The following CFAP299 variants were observed in gnomAD, a reference collection of about 807,000 sequenced individuals.
CFAP299 encodes cilia and flagella associated protein 299.
In CFAP299, 21 loss-of-function variants were observed where a neutral mutation model predicts 27.0. That is an observed-to-expected ratio of 0.78 (90% confidence interval 0.55 to 1.12). The LOEUF is 1.12. Ranked by LOEUF, CFAP299 falls within the 50% of genes most tolerant of loss-of-function variation. CFAP299 has a pLI of 0.00. For synonymous variants in CFAP299, 104 were observed against 98.1 expected, an observed-to-expected ratio of 1.06 and a Z score of -0.36; for missense variants, 310 against 276.6, an observed-to-expected ratio of 1.12 and a Z score of -0.86.
chr4:80,393,886 G>T (rs61210077), intron 2 of CFAP299, among the ~76,000 whole-genome samples: 1 of 151,984 alleles, frequency 6.6e-6, no homozygotes, highest in Non-Finnish European at 1.5e-5. Context: ...TAATCCCCAC[G>T]TGTCAAGAGT....
chr4:80,604,902 A>AAAC (rs71824955), intron 3 of CFAP299, among the ~76,000 whole-genome samples: 3 of 151,748 alleles, frequency 2.0e-5, no homozygotes, highest in Non-Finnish European at 4.4e-5. Flanking sequence ...GAAAAAAAAA[A>AAAC]AACATGTAAT....
At chr4:80,546,975 A>G (rs1018439165) in intron 2 of CFAP299, among the ~76,000 whole-genome samples, 1 of 152,170 alleles carries the variant, frequency 6.6e-6, no homozygotes, top group African/African-American at 2.4e-5. Context: ...TATAGATTCA[A>G]TGCTATTCCA....
intron 3 of CFAP299, among the ~76,000 whole-genome samples, chr4:80,595,571 A>G (rs1352369228): frequency 6.6e-6 from 1 of 152,212 alleles, no homozygotes; most frequent in Admixed American, 6.5e-5. Context: ...GTTGATATAA[A>G]TGCTCTGCAT....
chr4:80,388,769 G>T, intron 2 of CFAP299: 1 of 493,926 alleles, frequency 2.0e-6, no homozygotes, highest in South Asian at 3.1e-5. Flanking sequence ...TGGGGAGGTA[G>T]GGTTTCTATG....
chr4:80,593,366 C>CT (rs1040636695), intron 3 of CFAP299, among the ~76,000 whole-genome samples: 21 of 152,258 alleles, frequency 1.4e-4, no homozygotes, highest in African/African-American at 4.8e-4. Flanking sequence ...AACTGACATT[C>CT]TTTTTCTAGG....
chr4:80,623,681 T>G (rs1738724842), intron 3 of CFAP299, among the ~76,000 whole-genome samples: 2 of 152,128 alleles, frequency 1.3e-5, no homozygotes, highest in Non-Finnish European at 2.9e-5. Flanking sequence ...AGACACCATT[T>G]CCTCAGGGAA....
At chr4:80,359,320 T>C (rs1281300000) in intron 1 of CFAP299, among the ~76,000 whole-genome samples, 1 of 152,172 alleles carries the variant, frequency 6.6e-6, no homozygotes, top group African/African-American at 2.4e-5. Flanking sequence ...TCTTGTGAAG[T>C]ACCTTACTGG....
At chr4:80,719,541 A>G (rs543956907) in intron 3 of CFAP299, among the ~76,000 whole-genome samples, 2 of 152,268 alleles carry the variant, frequency 1.3e-5, no homozygotes, top group African/African-American at 4.8e-5. Context: ...ATAAATTCTG[A>G]TATGTTGTGT....
At chr4:80,783,259 A>G (rs1452071434) in intron 3 of CFAP299, among the ~76,000 whole-genome samples, 1 of 152,160 alleles carries the variant, frequency 6.6e-6, no homozygotes, top group Non-Finnish European at 1.5e-5. Flanking sequence ...CAGAAACACT[A>G]TGTCACTTAC....
chr4:80,956,157 A>T (rs1738053030), intron 5 of CFAP299, among the ~76,000 whole-genome samples: 2 of 152,196 alleles, frequency 1.3e-5, no homozygotes, highest in African/African-American at 4.8e-5. Flanking sequence ...CCCACTTAGG[A>T]CAGATTTCTA....
At chr4:80,665,092 G>C (rs1235702862) in intron 3 of CFAP299, among the ~76,000 whole-genome samples, 1 of 152,140 alleles carries the variant, frequency 6.6e-6, no homozygotes, top group African/African-American at 2.4e-5. Flanking sequence ...GATGAGCTGG[G>C]TACCTCAGTT....
At chr4:80,662,039 A>G (rs1251222552) in intron 3 of CFAP299, among the ~76,000 whole-genome samples, 2 of 152,172 alleles carry the variant, frequency 1.3e-5, no homozygotes, top group Non-Finnish European at 1.5e-5. Context: ...CTGTCTCCTG[A>G]TAAGATGTTA....
chr4:80,800,460 TATATA>T (rs1560419013), intron 3 of CFAP299, among the ~76,000 whole-genome samples: 3 of 13,612 alleles, frequency 2.2e-4, no homozygotes, highest in South Asian at 3.0e-3. Context: ...ATTAATATAA[TATATA>T]ATATATAATA....
intron 3 of CFAP299, among the ~76,000 whole-genome samples, chr4:80,695,620 A>G (rs1721038709): frequency 1.3e-5 from 2 of 151,542 alleles, no homozygotes; most frequent in African/African-American, 4.9e-5. Flanking sequence ...TAGACCACAT[A>G]TGCTCTACTA....
At chr4:80,380,796 T>C (rs1724663019) in intron 2 of CFAP299, among the ~76,000 whole-genome samples, 1 of 152,196 alleles carries the variant, frequency 6.6e-6, no homozygotes, top group Non-Finnish European at 1.5e-5. Context: ...GTCTACAATC[T>C]GTTGTAAGCA....
chr4:80,714,833 C>T (rs897802514), intron 3 of CFAP299, among the ~76,000 whole-genome samples: 1 of 152,040 alleles, frequency 6.6e-6, no homozygotes, highest in African/African-American at 2.4e-5. Context: ...TACTTCCAGA[C>T]CATACCATGT....
chr4:80,812,365 T>C (rs72879998), intron 3 of CFAP299, among the ~76,000 whole-genome samples: 1,614 of 152,214 alleles, frequency 0.011, 28 homozygotes, highest in African/African-American at 0.036. Flanking sequence ...GAGGTTTGTA[T>C]GCCAAGGGCT....
intron 3 of CFAP299, among the ~76,000 whole-genome samples, chr4:80,639,127 C>T (rs189221585): frequency 1.9e-4 from 29 of 152,244 alleles, no homozygotes; most frequent in Non-Finnish European, 1.9e-4. Flanking sequence ...TACCATACAT[C>T]AGGAGTTAGG....
At chr4:80,527,303 T>G (rs989122) in intron 2 of CFAP299, among the ~76,000 whole-genome samples, 3 of 151,970 alleles carry the variant, frequency 2.0e-5, no homozygotes, top group Non-Finnish European at 2.9e-5. Flanking sequence ...GGTTTTTTTT[T>G]AAATAATAAA....
Sources: allele counts gnomAD v4.1 joint callset (sites outside exome capture counted in the v4.1 genomes callset), GRCh38; gene constraint gnomAD v4.1.1; transcripts MANE v1.5; gene names NCBI Gene and HGNC (gene_info 2026-07-23, HGNC 2026-07-21).